Variants in USPL1 observed in about 807,000 individuals in gnomAD.
USPL1 encodes SUMO-specific isopeptidase USPL1.
In USPL1, 27 loss-of-function variants were observed where a neutral mutation model predicts 51.5. The ratio of observed to expected loss-of-function variants is 0.52; its 90% CI spans 0.39 to 0.72. The LOEUF (loss-of-function observed/expected upper bound fraction) is 0.72, where lower values mean the gene tolerates loss of function less well. USPL1 is among the 30% of genes least tolerant of loss of function. The probability of loss-of-function intolerance (pLI) is 0.00; values close to 1 mark genes in which losing one functional copy is unlikely to be tolerated. For missense variants in USPL1, 1,226 were observed against 1,268.0 expected (o/e 0.97, Z 0.50); for synonymous variants, 451 against 459.6 (o/e 0.98, Z 0.24).
At chr13:30,618,692 C>T (rs1376185488) in intron 1 of USPL1, among the ~76,000 whole-genome samples, 2 of 152,034 alleles carry the variant, frequency 1.3e-5, no homozygotes, top group African/African-American at 2.4e-5. Context: ...CACATTAAGG[C>T]TTCTGGAGTA....
chr13:30,629,496 T>A (rs1326970586), intron 3 of USPL1, among the ~76,000 whole-genome samples: 2 of 152,052 alleles, frequency 1.3e-5, no homozygotes, highest in Non-Finnish European at 2.9e-5. Context: ...CAAAAAAAAA[T>A]TTTAATGGCT....
chr13:30,636,967 TGAGA>T (rs1950884890), intron 4 of USPL1, among the ~76,000 whole-genome samples: 3 of 152,324 alleles, frequency 2.0e-5, no homozygotes, highest in Middle Eastern at 3.4e-3. Flanking sequence ...TTTTGTTTTT[TGAGA>T]GAGCATCTCA....
intron 4 of USPL1, among the ~76,000 whole-genome samples, chr13:30,633,759 TG>T (rs1196550392): frequency 7.6e-6 from 1 of 131,184 alleles, no homozygotes; most frequent in East Asian, 2.2e-4. Flanking sequence ...CCAACCTGCC[TG>T]GGTGATAGAA....
At position 30,630,562 on chromosome 13, in the gene USPL1, G is replaced by A. The variant is rs542038964; in HGVS notation, c.229-273G>A. Among the ~76,000 whole-genome samples, 3 of 152,190 alleles carry A rather than the reference G, an allele frequency of 2.0e-5. No individual in the cohort carries two copies. The South Asian group carries it at 6.2e-4, about 32-fold the overall frequency. On this transcript the variant is annotated intron_variant, in intron 3 of 8. Coordinates refer to ENST00000255304, the MANE Select transcript of USPL1 (RefSeq NM_005800.5). ...CACTTAACATTAGATTTTTATTAAA[G>A]CAAAAATATGTTTTCCTTATTAGCT... is the stretch of plus-strand genomic sequence containing the variant.
intron 5 of USPL1, among the ~76,000 whole-genome samples, chr13:30,639,542 A>G (rs1209789424): frequency 6.6e-6 from 1 of 152,080 alleles, no homozygotes; most frequent in Non-Finnish European, 1.5e-5. Context: ...TATGCATCAG[A>G]TAGGCCCTCA....
intron 6 of USPL1, among the ~76,000 whole-genome samples, chr13:30,645,767 G>A (rs554308308): frequency 6.6e-6 from 1 of 152,160 alleles, no homozygotes; most frequent in Non-Finnish European, 1.5e-5. Flanking sequence ...GCAGATCTCA[G>A]GTCTGTTATT....
chr13:30,620,660 T>C (rs1247655658), intron 1 of USPL1, among the ~76,000 whole-genome samples: 1 of 152,220 alleles, frequency 6.6e-6, no homozygotes, highest in Non-Finnish European at 1.5e-5. Context: ...TCACTGGTTC[T>C]TTTGTTCCTG....
chr13:30,623,468 A>G (rs1351288787), intron 3 of USPL1, among the ~76,000 whole-genome samples: 1 of 152,146 alleles, frequency 6.6e-6, no homozygotes, highest in Admixed American at 6.6e-5. Flanking sequence ...TTGAAAATAT[A>G]TGTAATGGGC....
intron 7 of USPL1, 28 bp downstream of exon 7, chr13:30,647,085 A>T: frequency 6.3e-7 from 1 of 1,585,556 alleles, no homozygotes; most frequent in Non-Finnish European, 8.7e-7. Flanking sequence ...TATAATTTTT[A>T]GTACAAAATG....
chr13:30,655,978 T>A (rs541690537), intron 8 of USPL1, among the ~76,000 whole-genome samples: 3 of 152,284 alleles, frequency 2.0e-5, no homozygotes, highest in African/African-American at 7.2e-5. Flanking sequence ...GATATTGATA[T>A]ATACAGTGGA....
intron 1 of USPL1, among the ~76,000 whole-genome samples, chr13:30,620,777 A>G (rs552673705): frequency 6.6e-5 from 10 of 152,254 alleles, no homozygotes; most frequent in Admixed American, 2.0e-4. Context: ...ATTCTGGTCA[A>G]TATAGTTTGC....
intron 4 of USPL1, among the ~76,000 whole-genome samples, chr13:30,634,002 G>T (rs1396435369): frequency 6.6e-6 from 1 of 152,110 alleles, no homozygotes. Context: ...ATGGATAAGA[G>T]ATTTGTTCTT....
chr13:30,621,918 A>G, intron 3 of USPL1, 26 bp downstream of exon 3: 1 of 1,359,776 alleles, frequency 7.4e-7, no homozygotes, highest in Non-Finnish European at 9.6e-7. Flanking sequence ...TATATAGTAT[A>G]TATAAGATTT....
chr13:30,651,837 A>T (rs1951095721), intron 7 of USPL1, among the ~76,000 whole-genome samples: 1 of 152,074 alleles, frequency 6.6e-6, no homozygotes, highest in Non-Finnish European at 1.5e-5. Flanking sequence ...CATGCCTGTA[A>T]TCCAGCTCCT....
In USPL1 at chr13:30,648,305, T is replaced by C. The variant is rs189852944; in HGVS notation, c.1238+1248T>C. On this transcript the variant is annotated intron_variant, in intron 7 of 8. Transcript: ENST00000255304. Reference sequence around the variant, plus strand: ...AGACTTATTAATAAATTTTCAATACTCAGATGCTTCACAGTTTTTTACTCT... The same window carrying C: ...AGACTTATTAATAAATTTTCAATACCCAGATGCTTCACAGTTTTTTACTCT... 4.1e-3 allele frequency among the ~76,000 whole-genome samples: 625 copies of C among 152,356 alleles called. 3 individuals carry two copies. Among genetic ancestry groups the C allele is most frequent in the African/African-American group, 0.014 (579 of 41,574 alleles).
rs1308090233 is a variant in USPL1 at position 30,621,902 on chromosome 13, T to C, written c.228+10T>C. 2 of 1,486,872 alleles carry C rather than the reference T, an allele frequency of 1.3e-6. No individual in the cohort carries two copies. The highest frequency in any genetic ancestry group is 2.8e-5 in the South Asian group (2 of 71,414). 92.1% of individuals were successfully genotyped at this position (1,486,872 alleles called of 1,614,324 possible). ...GTGTGAGGATCTGCAGGTAAAGTAT[T>C]AATCTTATATAGTATATATAAGATT... On this transcript the variant is annotated intron_variant, in intron 3 of 8. Coordinates refer to ENST00000255304, the MANE Select transcript of USPL1 (RefSeq NM_005800.5).
chr13:30,651,219 A>T (rs1042488635), intron 7 of USPL1, among the ~76,000 whole-genome samples: 1 of 152,218 alleles, frequency 6.6e-6, no homozygotes, highest in Non-Finnish European at 1.5e-5. Context: ...AAAACTTAAC[A>T]TATAATTGCT....
At chr13:30,629,227 G>A (rs1050269417) in intron 3 of USPL1, among the ~76,000 whole-genome samples, 1 of 152,126 alleles carries the variant, frequency 6.6e-6, no homozygotes, top group Non-Finnish European at 1.5e-5. Context: ...ATGGTGGCTG[G>A]GCATGGTGGC....
intron 3 of USPL1, among the ~76,000 whole-genome samples, chr13:30,626,370 A>G (rs1272387318): frequency 6.6e-6 from 1 of 152,090 alleles, no homozygotes; most frequent in Admixed American, 6.6e-5. Context: ...ATACCCTTTC[A>G]TAATATGTGA....
Sources: allele counts gnomAD v4.1 joint callset (sites outside exome capture counted in the v4.1 genomes callset), GRCh38; gene constraint gnomAD v4.1.1; transcripts MANE v1.5; gene names NCBI Gene and HGNC (gene_info 2026-07-23, HGNC 2026-07-21).